Variants in KCND2 observed in about 807,000 individuals in gnomAD.
KCND2 encodes potassium voltage-gated channel subfamily D member 2.
In KCND2, 16 loss-of-function variants were observed where a neutral mutation model predicts 54.4. The observed-to-expected ratio is 0.29, with a 90% confidence interval of 0.20 to 0.45. KCND2 has a LOEUF of 0.45. KCND2 is among the 20% of genes least tolerant of loss of function. The pLI, the probability that KCND2 is intolerant of heterozygous loss-of-function variation, is 1.00. For missense variants in KCND2, 486 were observed against 824.2 expected (o/e 0.59, Z 5.02); for synonymous variants, 317 against 310.7 (o/e 1.02, Z -0.21).
At chr7:120,353,743 A>G (rs1319684571) in intron 1 of KCND2, among the ~76,000 whole-genome samples, 1 of 152,180 alleles carries the variant, frequency 6.6e-6, no homozygotes, top group Non-Finnish European at 1.5e-5. Flanking sequence ...TAAAGGATCC[A>G]TAATGTTAAA....
intron 1 of KCND2, among the ~76,000 whole-genome samples, chr7:120,711,740 C>T (rs1162182882): frequency 6.6e-6 from 1 of 151,996 alleles, no homozygotes; most frequent in East Asian, 1.9e-4. Context: ...GGTTCTATTC[C>T]TTGAGATTTC....
intron 1 of KCND2, among the ~76,000 whole-genome samples, chr7:120,525,651 T>A (rs999088163): frequency 6.6e-6 from 1 of 152,198 alleles, no homozygotes; most frequent in Non-Finnish European, 1.5e-5. Context: ...CTTCATATAA[T>A]TCTCCAACAA....
At position 120,665,726 on chromosome 7, in the gene KCND2, A is replaced by G. The variant is rs184638541; in HGVS notation, c.1116-67177A>G. Among the ~76,000 whole-genome samples the G allele has an allele frequency of 2.0e-5, 3 of 152,204 alleles. No individual in the cohort carries two copies. In the East Asian group the frequency reaches 5.8e-4, roughly 29 times the overall value. On this transcript the variant is annotated intron_variant, in intron 1 of 5. Transcript: ENST00000331113. ...ATTCTCTTTACGATAATTGACTCAC[A>G]CAACCCATCTTTTTTTCCTCAAATA...
intron 1 of KCND2, among the ~76,000 whole-genome samples, chr7:120,404,092 C>A (rs1450772404): frequency 6.6e-6 from 1 of 152,062 alleles, no homozygotes; most frequent in Non-Finnish European, 1.5e-5. Flanking sequence ...AGAGTTTGGG[C>A]TTTCTTGTTT....
At chr7:120,387,514 A>G (rs1043699170) in intron 1 of KCND2, among the ~76,000 whole-genome samples, 2 of 152,040 alleles carry the variant, frequency 1.3e-5, no homozygotes, top group Non-Finnish European at 2.9e-5. Flanking sequence ...CATAAATTTT[A>G]AGCACATGGT....
chr7:120,520,497 G>A (rs1394241801), intron 1 of KCND2, among the ~76,000 whole-genome samples: 1 of 152,068 alleles, frequency 6.6e-6, no homozygotes, highest in Non-Finnish European at 1.5e-5. Flanking sequence ...CTTTGAGCAG[G>A]TTAGAGGAAA....
chr7:120,470,353 A>T lies in KCND2; in HGVS notation c.1115+194606A>T, dbSNP rs1230575458. On this transcript the variant is annotated intron_variant, in intron 1 of 5. Transcript: ENST00000331113. The stretch of plus-strand genomic sequence containing the variant: ...CAATGTCCATAAGTCTGGAGCATTT[A>T]TTCTTGTAGACTCTACCTTTCATTT... 2.0e-5 allele frequency among the ~76,000 whole-genome samples: 3 copies of T among 152,114 alleles called. No homozygotes were observed. In the East Asian group the frequency reaches 5.8e-4, roughly 29 times the overall value.
chr7:120,621,015 T>G (rs10239325), intron 1 of KCND2, among the ~76,000 whole-genome samples: 83 of 151,826 alleles, frequency 5.5e-4, no homozygotes, highest in Non-Finnish European at 8.4e-4. Flanking sequence ...TGGCTCACAC[T>G]TGTAATCCCA....
intron 1 of KCND2, chr7:120,463,952 T>C (rs889893204): frequency 2.1e-6 from 1 of 487,278 alleles, no homozygotes; most frequent in African/African-American, 2.2e-5. Context: ...GATCGACAGA[T>C]GGATAGATGA....
intron 1 of KCND2, among the ~76,000 whole-genome samples, chr7:120,654,983 G>C (rs780337882): frequency 6.6e-6 from 1 of 151,754 alleles, no homozygotes; most frequent in Non-Finnish European, 1.5e-5. Flanking sequence ...GATATTATGT[G>C]TATGTATTAC....
intron 1 of KCND2, among the ~76,000 whole-genome samples, chr7:120,287,742 G>A (rs1799368046): frequency 1.3e-5 from 2 of 152,052 alleles, no homozygotes; most frequent in South Asian, 4.1e-4. Context: ...TACTTGGGAG[G>A]CTGAAGTAGG....
intron 1 of KCND2, among the ~76,000 whole-genome samples, chr7:120,361,456 A>G (rs1800591908): frequency 6.6e-6 from 1 of 151,460 alleles, no homozygotes; most frequent in Non-Finnish European, 1.5e-5. Context: ...TCAATTTCTC[A>G]GTAGATTATC....
At chr7:120,530,472 A>G (rs922395097) in intron 1 of KCND2, among the ~76,000 whole-genome samples, 5 of 152,160 alleles carry the variant, frequency 3.3e-5, no homozygotes, top group African/African-American at 1.2e-4. Flanking sequence ...TTTGAAGTAT[A>G]TATCTAACAT....
chr7:120,556,294 A>G (rs1012847609), intron 1 of KCND2, among the ~76,000 whole-genome samples: 1 of 152,170 alleles, frequency 6.6e-6, no homozygotes, highest in African/African-American at 2.4e-5. Flanking sequence ...ACAATGAACA[A>G]TCTTTGTATT....
intron 1 of KCND2, among the ~76,000 whole-genome samples, chr7:120,539,509 C>G (rs1177741010): frequency 6.6e-6 from 1 of 152,172 alleles, no homozygotes; most frequent in East Asian, 1.9e-4. Context: ...CACTGAAAAA[C>G]GAGGCTCTCC....
chr7:120,734,463 C>T (rs1424425199), intron 2 of KCND2, among the ~76,000 whole-genome samples: 1 of 152,100 alleles, frequency 6.6e-6, no homozygotes, highest in Non-Finnish European at 1.5e-5. Flanking sequence ...TGTAAAGTCA[C>T]ATACCTGTTA....
At chr7:120,354,797 A>C (rs758736255) in intron 1 of KCND2, among the ~76,000 whole-genome samples, 2 of 152,198 alleles carry the variant, frequency 1.3e-5, no homozygotes, top group African/African-American at 2.4e-5. Flanking sequence ...AAAAGCAAAG[A>C]AAAGAAGAAA....
At chr7:120,742,234 T>C (rs1792950613) in intron 3 of KCND2, 1 of 407,258 alleles carries the variant, frequency 2.5e-6, no homozygotes, top group Non-Finnish European at 4.6e-6. Context: ...CATAACAGAT[T>C]CCCATCTTAC....
At chr7:120,663,856 G>C (rs963387994) in intron 1 of KCND2, among the ~76,000 whole-genome samples, 3 of 152,208 alleles carry the variant, frequency 2.0e-5, no homozygotes, top group South Asian at 2.1e-4. Context: ...ACTCCAATTA[G>C]TTTCCTCACC....
Sources: gnomAD v4.1 joint callset for allele counts (sites outside exome capture counted in the v4.1 genomes callset) on GRCh38, gnomAD v4.1.1 for gene constraint, MANE v1.5 for transcripts, NCBI Gene and HGNC (gene_info 2026-07-23, HGNC 2026-07-21) for gene names.